The following TAB2 variants were observed in gnomAD, a reference collection of about 807,000 sequenced individuals.
The protein encoded by TAB2 is TGF-beta-activated kinase 1 and MAP3K7-binding protein 2.
A neutral mutation model predicts 65.0 loss-of-function variants in TAB2; 3 were observed. That is an observed-to-expected ratio of 0.05 (90% confidence interval 0.02 to 0.12). TAB2 has a LOEUF of 0.12. Among genes scored for constraint, TAB2 ranks in the 10% least tolerant of loss-of-function variants. The pLI is 1.00. For missense variants in TAB2, 623 were observed against 840.3 expected, an observed-to-expected ratio of 0.74 and a Z score of 3.20; for synonymous variants, 298 against 285.1, an observed-to-expected ratio of 1.05 and a Z score of -0.46.
chr6:149,337,852 G>T (rs1465015940), intron 1 of TAB2, among the ~76,000 whole-genome samples: 1 of 152,134 alleles, frequency 6.6e-6, no homozygotes, highest in Non-Finnish European at 1.5e-5. Context: ...TGATGATAGG[G>T]ATAGGGTGGT....
At chr6:149,383,043 T>C (rs1168189887) in intron 3 of TAB2, among the ~76,000 whole-genome samples, 7 of 151,814 alleles carry the variant, frequency 4.6e-5, no homozygotes. Context: ...TAGTCCTAGC[T>C]ACTCAGGAGG....
intron 1 of TAB2, among the ~76,000 whole-genome samples, chr6:149,341,881 G>GAAA (rs1015776402): frequency 4.6e-5 from 7 of 152,070 alleles, no homozygotes; most frequent in African/African-American, 1.4e-4. Context: ...GTTTCTTAGG[G>GAAA]AAATGCCTAA....
chr6:149,352,287 A>T (rs766691976), intron 1 of TAB2, among the ~76,000 whole-genome samples: 3 of 152,138 alleles, frequency 2.0e-5, no homozygotes, highest in African/African-American at 7.2e-5. Flanking sequence ...TAGCTGACCT[A>T]TGGTGATCCA....
intron 1 of TAB2, among the ~76,000 whole-genome samples, chr6:149,363,071 T>C (rs960454457): frequency 2.0e-5 from 3 of 152,194 alleles, no homozygotes; most frequent in Non-Finnish European, 4.4e-5. Context: ...ACCTTGGAGA[T>C]TTAGTCCATC....
chr6:149,246,904 G>A (rs1437125034), intron 1 of TAB2: 4 of 152,382 alleles, frequency 2.6e-5, no homozygotes, highest in Non-Finnish European at 5.9e-5. Flanking sequence ...TGTCAAGGAA[G>A]ACTAAAACCA....
intron 1 of TAB2, among the ~76,000 whole-genome samples, chr6:149,364,816 T>G (rs1053554407): frequency 6.6e-6 from 1 of 151,426 alleles, no homozygotes; most frequent in Non-Finnish European, 1.5e-5. Context: ...AACAGTTAGC[T>G]TTTGTATACT....
In TAB2 at chr6:149,407,031, G is replaced by T. The variant is rs369978900; in HGVS notation, c.1940-2546G>T. Among the ~76,000 whole-genome samples, 8 of 152,196 alleles carry T rather than the reference G, an allele frequency of 5.3e-5. No homozygotes were observed. In the East Asian group the frequency reaches 1.4e-3, roughly 26 times the overall value. ...AGCGCCCAGCCTCCTTCATTTTTATGTATAATTAGGTGTAGCTCTGTCCTC... is the reference window on the plus strand; with the variant it reads ...AGCGCCCAGCCTCCTTCATTTTTATTTATAATTAGGTGTAGCTCTGTCCTC... On this transcript the variant is annotated intron_variant, in intron 6 of 6. Coordinates refer to ENST00000637181, the MANE Select transcript of TAB2 (RefSeq NM_001292034.3).
chr6:149,309,538 A>C (rs1410989993), intron 1 of TAB2, among the ~76,000 whole-genome samples: 3 of 151,836 alleles, frequency 2.0e-5, no homozygotes, highest in African/African-American at 4.8e-5. Context: ...CTGGGACTAC[A>C]GGCGCCCGCC....
intron 1 of TAB2, chr6:149,243,994 G>A (rs1281513185): frequency 6.6e-6 from 1 of 152,246 alleles, no homozygotes; most frequent in Non-Finnish European, 1.5e-5. Flanking sequence ...GACTCTTCCA[G>A]TGGGCAACTG....
At chr6:149,298,438 C>T (rs1778915690) in intron 1 of TAB2, among the ~76,000 whole-genome samples, 1 of 152,098 alleles carries the variant, frequency 6.6e-6, no homozygotes, top group Non-Finnish European at 1.5e-5. Flanking sequence ...ACCAGCCTGG[C>T]CAATATAGGG....
intron 3 of TAB2, among the ~76,000 whole-genome samples, chr6:149,393,231 T>C (rs941019160): frequency 2.6e-5 from 4 of 152,200 alleles, no homozygotes; most frequent in Non-Finnish European, 1.5e-5. Context: ...CTAAGTAATA[T>C]AGTCATTATA....
intron 1 of TAB2, among the ~76,000 whole-genome samples, chr6:149,224,998 C>A (rs1364087489): frequency 6.6e-6 from 1 of 152,132 alleles, no homozygotes; most frequent in Non-Finnish European, 1.5e-5. Context: ...GTGTTTTGGT[C>A]AAGTGCTTAA....
chr6:149,360,463 A>C (rs1263596493), intron 1 of TAB2, among the ~76,000 whole-genome samples: 1 of 152,186 alleles, frequency 6.6e-6, no homozygotes, highest in Non-Finnish European at 1.5e-5. Context: ...TGATCTCATG[A>C]CAACTCAATC....
chr6:149,327,384 C>T (rs1779651796), intron 1 of TAB2, among the ~76,000 whole-genome samples: 1 of 152,156 alleles, frequency 6.6e-6, no homozygotes, highest in Non-Finnish European at 1.5e-5. Context: ...CTAGGCTGGT[C>T]TCGATTTCTA....
intron 1 of TAB2, among the ~76,000 whole-genome samples, chr6:149,341,777 C>G (rs181669179): frequency 6.6e-6 from 1 of 152,124 alleles, no homozygotes; most frequent in Non-Finnish European, 1.5e-5. Flanking sequence ...TCTTCGTCTT[C>G]ACTACTTTTT....
At chr6:149,345,813 A>G (rs1448099769) in intron 1 of TAB2, among the ~76,000 whole-genome samples, 1 of 152,202 alleles carries the variant, frequency 6.6e-6, no homozygotes, top group Non-Finnish European at 1.5e-5. Flanking sequence ...GGTGTTATAC[A>G]TGGAATCTGC....
rs190885928 is a variant in TAB2, at chr6:149,348,888, A to G, written c.-89-21021A>G. On this transcript the variant is annotated intron_variant, in intron 1 of 6. Coordinates refer to ENST00000637181, the MANE Select transcript of TAB2 (RefSeq NM_001292034.3). ...AGGCTAAGGCAGGAGAATTGCTTCA[A>G]TCCGGGAGGCGGAGGTTGCAGTGAG... is the stretch of plus-strand genomic sequence containing the variant. Among the ~76,000 whole-genome samples the G allele has an allele frequency of 2.3e-3, 344 of 152,066 alleles. 3 individuals carry two copies. The highest frequency in any genetic ancestry group is 1.3e-3 in the African/African-American group (54 of 41,488).
chr6:149,351,143 C>T (rs181054402), intron 1 of TAB2, among the ~76,000 whole-genome samples: 96 of 152,256 alleles, frequency 6.3e-4, no homozygotes, highest in South Asian at 2.5e-3. Flanking sequence ...CAGAGAGATC[C>T]CTTTAAACAC....
At chr6:149,221,946 C>T (rs1008303259) in intron 1 of TAB2, among the ~76,000 whole-genome samples, 2 of 152,168 alleles carry the variant, frequency 1.3e-5, no homozygotes, top group Non-Finnish European at 2.9e-5. Context: ...CTTGACTGGA[C>T]TAAAGGATGC....
Sources: allele counts gnomAD v4.1 joint callset (sites outside exome capture counted in the v4.1 genomes callset), GRCh38; gene constraint gnomAD v4.1.1; transcripts MANE v1.5; gene names NCBI Gene and HGNC (gene_info 2026-07-23, HGNC 2026-07-21).